The following PDE1A variants were observed in gnomAD, a reference collection of about 807,000 sequenced individuals.
The protein encoded by PDE1A is dual specificity calcium/calmodulin-dependent 3',5'-cyclic nucleotide phosphodiesterase 1A.
Under a neutral mutation model 61.7 loss-of-function variants are expected in PDE1A, and 35 were observed. That is an observed-to-expected ratio of 0.57 (90% CI 0.43 to 0.75). The LOEUF is 0.75. PDE1A is among the 30% of genes least tolerant of loss of function. The pLI is 0.00. For synonymous variants in PDE1A, 232 were observed against 213.2 expected, an observed-to-expected ratio of 1.09 and a Z score of -0.77; for missense variants, 597 against 630.6, an observed-to-expected ratio of 0.95 and a Z score of 0.57.
At chr2:182,678,486 C>T in the PDE1A span, among the ~76,000 whole-genome samples, 1 of 151,980 alleles carries the variant, frequency 6.6e-6, no homozygotes, top group Admixed American at 6.6e-5. Context: ...TGAAAAATGT[C>T]CTAATTGCTT....
intron 1 of PDE1A, among the ~76,000 whole-genome samples, chr2:182,403,839 G>T (rs1487453425): frequency 6.6e-6 from 1 of 151,966 alleles, no homozygotes; most frequent in Non-Finnish European, 1.5e-5. Context: ...GTCAGGGGGT[G>T]GGGGGCTAGG....
the PDE1A span, among the ~76,000 whole-genome samples, chr2:182,646,794 T>G: frequency 1.3e-5 from 2 of 150,654 alleles, no homozygotes; most frequent in Non-Finnish European, 3.0e-5. Flanking sequence ...AGAAATTATG[T>G]ATTAAGCAGA....
intron 13 of PDE1A, among the ~76,000 whole-genome samples, chr2:182,174,362 G>A (rs908847378): frequency 7.0e-6 from 1 of 141,876 alleles, no homozygotes; most frequent in African/African-American, 2.8e-5. Flanking sequence ...TATAAAGGTG[G>A]TACTCAGATA....
At chr2:182,619,332 G>GA in the PDE1A span, among the ~76,000 whole-genome samples, 1 of 151,992 alleles carries the variant, frequency 6.6e-6, no homozygotes, top group African/African-American at 2.4e-5. Context: ...AGAACACCCA[G>GA]AAAAACGCTA....
chr2:182,712,759 T>C, the PDE1A span, among the ~76,000 whole-genome samples: 1 of 152,030 alleles, frequency 6.6e-6, no homozygotes, highest in Admixed American at 6.6e-5. Context: ...GGTTTCACTG[T>C]GTTAGCCAGG....
upstream of PDE1A, among the ~76,000 whole-genome samples, chr2:182,525,883 C>T (rs959279736): frequency 1.3e-5 from 2 of 151,564 alleles, no homozygotes; most frequent in African/African-American, 4.9e-5. Context: ...TTCAAATACT[C>T]GTTAAAAATA....
the PDE1A span, among the ~76,000 whole-genome samples, chr2:182,710,694 T>C: frequency 6.6e-6 from 1 of 152,266 alleles, no homozygotes. Context: ...GGTTTCCTTC[T>C]TTTTTATGGC....
At chr2:182,660,921 T>C in the PDE1A span, among the ~76,000 whole-genome samples, 1 of 152,224 alleles carries the variant, frequency 6.6e-6, no homozygotes, top group Non-Finnish European at 1.5e-5. Flanking sequence ...AGCAGTGTTA[T>C]AAGCTTCTCA....
chr2:182,691,311 G>A, the PDE1A span, among the ~76,000 whole-genome samples: 26 of 152,098 alleles, frequency 1.7e-4, no homozygotes, highest in African/African-American at 3.9e-4. Context: ...AAAACAGCAC[G>A]GTACTGGTAC....
intron 13 of PDE1A, among the ~76,000 whole-genome samples, chr2:182,169,013 T>C (rs1691872249): frequency 6.6e-6 from 1 of 152,064 alleles, no homozygotes; most frequent in Non-Finnish European, 1.5e-5. Context: ...TGTGTGTGTA[T>C]ATCTGACAAG....
At chr2:182,159,428 C>A (rs1691260538) in intron 13 of PDE1A, among the ~76,000 whole-genome samples, 1 of 152,108 alleles carries the variant, frequency 6.6e-6, no homozygotes, top group Non-Finnish European at 1.5e-5. Flanking sequence ...TATAGACTAT[C>A]TTGATAGGTT....
At chr2:182,186,560 T>C (rs752408539) in exon 12 of PDE1A, 2 of 1,612,144 alleles carry the variant, frequency 1.2e-6, no homozygotes, top group Non-Finnish European at 1.7e-6. Context: ...GAAGAGAAAA[T>C]GTTGGCTCTA....
At chr2:182,700,721 C>CAAAAAAA in the PDE1A span, among the ~76,000 whole-genome samples, 35 of 23,976 alleles carry the variant, frequency 1.5e-3, no homozygotes, top group East Asian at 7.1e-3. Context: ...GACTCCATCT[C>CAAAAAAA]AAAAAAAAAA....
chr2:182,678,296 G>A, the PDE1A span, among the ~76,000 whole-genome samples: 12 of 152,244 alleles, frequency 7.9e-5, no homozygotes, highest in East Asian at 9.7e-4. Context: ...GGTGGTGGGC[G>A]CCTGTAATCC....
chr2:182,304,370 C>T (rs1002167322), intron 1 of PDE1A, among the ~76,000 whole-genome samples: 5 of 152,282 alleles, frequency 3.3e-5, no homozygotes, highest in South Asian at 2.1e-4. Flanking sequence ...AAACTTTCTC[C>T]GTATCAGTGA....
At chr2:182,423,673 A>T (rs911975117) in intron 1 of PDE1A, among the ~76,000 whole-genome samples, 4 of 152,004 alleles carry the variant, frequency 2.6e-5, no homozygotes, top group African/African-American at 9.7e-5. Context: ...GGATGTTATC[A>T]CCTCCTTTAT....
At chr2:182,527,329 TATATATATATATA>T (rs1690792057), upstream of PDE1A, among the ~76,000 whole-genome samples, 2 of 7,448 alleles carry the variant, frequency 2.7e-4, no homozygotes, top group African/African-American at 9.4e-4. Flanking sequence ...AAAAAAAAAA[TATATATATATATA>T]TATATATATA....
chr2:182,447,577 C>T (rs1266855003), intron 2 of PDE1A, among the ~76,000 whole-genome samples: 1 of 152,042 alleles, frequency 6.6e-6, no homozygotes, highest in East Asian at 1.9e-4. Flanking sequence ...ACTAAGGGAT[C>T]CCTTCTATAA....
At chr2:182,586,673 C>T in the PDE1A span, among the ~76,000 whole-genome samples, 2 of 152,128 alleles carry the variant, frequency 1.3e-5, no homozygotes, top group Non-Finnish European at 2.9e-5. Flanking sequence ...GCCAACACCA[C>T]CCCTCTCAAA....
Sources: gnomAD v4.1 joint callset for allele counts (sites outside exome capture counted in the v4.1 genomes callset) on GRCh38, gnomAD v4.1.1 for gene constraint, MANE v1.5 for transcripts, NCBI Gene and HGNC (gene_info 2026-07-23, HGNC 2026-07-21) for gene names.